The following CHI3L2 variants were observed in gnomAD, a reference collection of about 807,000 sequenced individuals.
CHI3L2 encodes the protein chitinase 3 like 2.
CHI3L2 carries 47 observed loss-of-function variants against 47.3 expected under a neutral mutation model. That is an observed-to-expected ratio of 0.99 (90% confidence interval 0.79 to 1.27). The LOEUF (loss-of-function observed/expected upper bound fraction) is 1.27, where lower values mean the gene tolerates loss of function less well. Among genes scored for constraint, CHI3L2 ranks in the 50% most tolerant of loss-of-function variants. The pLI is 0.00. For missense variants in CHI3L2, 497 were observed against 462.1 expected, an observed-to-expected ratio of 1.08 and a Z score of -0.69; for synonymous variants, 198 against 169.9, an observed-to-expected ratio of 1.17 and a Z score of -1.28.
chr1:111,228,381 A>G (rs1659590349), intron 1 of CHI3L2, among the ~76,000 whole-genome samples: 1 of 152,182 alleles, frequency 6.6e-6, no homozygotes, highest in South Asian at 2.1e-4. Flanking sequence ...ATTTGTGTCC[A>G]TACCTCTTTC....
chr1:111,242,512 C>A, intron 10 of CHI3L2, 146 bp downstream of exon 10: 1 of 764,814 alleles, frequency 1.3e-6, no homozygotes, highest in Non-Finnish European at 1.9e-6. Context: ...AGCAATTAGG[C>A]TGGTTCTGCC....
chr1:111,230,993 A>T (rs1215175214), intron 3 of CHI3L2, 50 bp downstream of exon 3: 9 of 1,464,530 alleles, frequency 6.1e-6, no homozygotes, highest in Non-Finnish European at 8.6e-6. Flanking sequence ...AGAGGAGGGA[A>T]GCTGGTCTTA....
chr1:111,231,386 G>A lies in CHI3L2; in HGVS notation c.329+92G>A, dbSNP rs1236217376. ...CTTCTAAGAAGAGATATTAAACTAG[G>A]CTTTAAGAGGTTTTCCCTTGGCCAG... On this transcript the variant is annotated intron_variant, in intron 4 of 10. Coordinates refer to ENST00000369748, the MANE Select transcript of CHI3L2 (RefSeq NM_004000.3). The A allele has an allele frequency of 4.1e-6, 4 of 986,046 alleles. No individual in the cohort carries two copies. The East Asian group carries it at 9.8e-5, about 24-fold the overall frequency. The allele number at this position is 986,046 out of a possible 1,614,324, so 61.1% of individuals were successfully genotyped here.
intron 3 of CHI3L2, 114 bp downstream of exon 3, chr1:111,231,057 C>T: frequency 1.2e-5 from 12 of 1,021,592 alleles, no homozygotes; most frequent in Non-Finnish European, 1.8e-5. Flanking sequence ...ATATATTTCT[C>T]TGGGTGTATT....
chr1:111,234,415 C>CTT, intron 4 of CHI3L2, among the ~76,000 whole-genome samples: 1 of 152,290 alleles, frequency 6.6e-6, no homozygotes, highest in East Asian at 1.9e-4. Flanking sequence ...GGGATGGATT[C>CTT]TTGCTAAACT....
At chr1:111,229,911 G>C in intron 2 of CHI3L2, 30 bp downstream of exon 2, 2 of 1,613,370 alleles carry the variant, frequency 1.2e-6, no homozygotes, top group Non-Finnish European at 1.7e-6. Flanking sequence ...CTACCGCCTG[G>C]ATCTCCTGGC....
intron 7 of CHI3L2, among the ~76,000 whole-genome samples, chr1:111,238,509 C>A (rs7527609): frequency 0.055 from 8,365 of 152,294 alleles, 683 homozygotes; most frequent in African/African-American, 0.18. Flanking sequence ...TGACTGATTT[C>A]TTTTGTGATC....
At chr1:111,238,060 C>A (rs564646310) in intron 7 of CHI3L2, among the ~76,000 whole-genome samples, 1 of 152,330 alleles carries the variant, frequency 6.6e-6, no homozygotes, top group Non-Finnish European at 1.5e-5. Context: ...AATTGCCAAT[C>A]AAAATATCTT....
chr1:111,232,696 G>A (rs1179418152), intron 4 of CHI3L2, among the ~76,000 whole-genome samples: 1 of 152,176 alleles, frequency 6.6e-6, no homozygotes, highest in African/African-American at 2.4e-5. Context: ...GCCAGGCTTT[G>A]TGCCAGGTGC....
At chr1:111,231,179 T>A in intron 3 of CHI3L2, 59 bp from the exon 4 acceptor site, 1 of 1,417,182 alleles carries the variant, frequency 7.1e-7, no homozygotes, top group Non-Finnish European at 1.0e-6. Context: ...CTCTGTTCTT[T>A]AGACAAAGGC....
rs1659966602 is a variant in CHI3L2, at chr1:111,238,920, G to A, written c.906G>A (p.Leu302=). 1.3e-6 allele frequency: 2 copies of A among 1,597,786 alleles called. No homozygotes were observed. Among genetic ancestry groups the A allele is most frequent in the Admixed American group, 1.8e-5 (1 of 55,982 alleles). The part of the protein sequence containing the change: ...AGPITESSGF[L]AYYEICQFLK... The stretch of plus-strand genomic sequence containing the variant: ...CCATCACAGAGTCTTCAGGCTTCCT[G>A]GCCTATTATGAGGTACCTGGAAACC... The change falls in exon 8 of 11, where the codon CTG becomes CTA. Residue 302 remains leucine, a synonymous_variant. Transcript: ENST00000369748.
chr1:111,228,222 G>A (rs1659584603), intron 1 of CHI3L2, among the ~76,000 whole-genome samples: 1 of 152,144 alleles, frequency 6.6e-6, no homozygotes, highest in South Asian at 2.1e-4. Flanking sequence ...CAACTCTAAA[G>A]TTCTGATCCA....
chr1:111,241,253 C>T, intron 8 of CHI3L2, 74 bp from the exon 9 acceptor site: 2 of 831,430 alleles, frequency 2.4e-6, no homozygotes, highest in Non-Finnish European at 4.3e-6. Context: ...TAGTGGCTCA[C>T]CTGCCCTGTC....
intron 1 of CHI3L2, among the ~76,000 whole-genome samples, chr1:111,228,076 G>T (rs1659579125): frequency 6.6e-6 from 1 of 152,208 alleles, no homozygotes; most frequent in Admixed American, 6.5e-5. Context: ...TTAGTCTCTT[G>T]GTGTATGAGC....
At chr1:111,230,660 T>C (rs1300963067) in intron 2 of CHI3L2, 82 bp from the exon 3 acceptor site, 1 of 1,154,568 alleles carries the variant, frequency 8.7e-7, no homozygotes, top group Non-Finnish European at 1.3e-6. Context: ...ATGCAATGGC[T>C]GTCTTGGGGA....
intron 5 of CHI3L2, among the ~76,000 whole-genome samples, chr1:111,235,433 G>T (rs1293964869): frequency 2.6e-5 from 4 of 152,166 alleles, no homozygotes; most frequent in African/African-American, 4.8e-5. Flanking sequence ...GTTATTCCTG[G>T]GTAGAGTGAG....
In CHI3L2 at chr1:111,242,264, T is replaced by C; in HGVS notation, c.1073T>C (p.Met358Thr). The change falls in exon 10 of 11, where the codon ATG (methionine) becomes ACG (threonine). Residue 358 changes from methionine to threonine, a missense_variant. By Grantham distance (81) the Met-to-Thr change is moderately conservative. Coordinates refer to ENST00000369748, the MANE Select transcript of CHI3L2 (RefSeq NM_004000.3). ...AAGAATTTAAACCTGGGAGGAGCCA[T>C]GATCTGGTCTATTGACATGGATGAC... ...FLKNLNLGGAMIWSIDMDDFT... is the reference protein window; with the variant it reads ...FLKNLNLGGATIWSIDMDDFT... The C allele has an allele frequency of 6.2e-7, 1 of 1,614,128 alleles. No homozygotes were observed. Among genetic ancestry groups the C allele is most frequent in the South Asian group, 1.1e-5 (1 of 91,072 alleles).
In CHI3L2 at chr1:111,233,629, C is replaced by T. The variant is rs543673781; in HGVS notation, c.330-1278C>T. Among the ~76,000 whole-genome samples the T allele has an allele frequency of 1.8e-3, 279 of 152,124 alleles. 1 individual carries two copies. Among genetic ancestry groups the T allele is most frequent in the African/African-American group, 5.4e-3 (222 of 41,484 alleles). On this transcript the variant is annotated intron_variant, in intron 4 of 10. Transcript: ENST00000369748. The stretch of plus-strand genomic sequence containing the variant: ...CCGGGAGGTGAGGGGCGCCTCTGCC[C>T]GGCCGCCCCTACTGGGAAGTGAGGA...
chr1:111,238,680 T>C (rs1187259732), intron 7 of CHI3L2, 70 bp from the exon 8 acceptor site: 11 of 1,518,276 alleles, frequency 7.2e-6, no homozygotes, highest in Non-Finnish European at 1.0e-5. Context: ...AAGTTTGGGA[T>C]AGAGGCTAAA....
Sources: allele counts gnomAD v4.1 joint callset (sites outside exome capture counted in the v4.1 genomes callset), GRCh38; gene constraint gnomAD v4.1.1; transcripts MANE v1.5; gene names NCBI Gene and HGNC (gene_info 2026-07-23, HGNC 2026-07-21).